Variants in PSG9 observed in about 807,000 individuals in gnomAD.
The protein encoded by PSG9 is pregnancy specific beta-1-glycoprotein 9, also known as pregnancy-specific beta-1-glycoprotein 9.
PSG9 carries 49 observed loss-of-function variants against 41.9 expected under a neutral mutation model. That is an observed-to-expected ratio of 1.17 (90% CI 0.93 to 1.48). The LOEUF (loss-of-function observed/expected upper bound fraction) is 1.48, where lower values mean the gene tolerates loss of function less well. Among genes scored for constraint, PSG9 ranks in the 40% most tolerant of loss-of-function variants. PSG9 has a pLI of 0.00. For missense variants in PSG9, 641 were observed against 520.3 expected (o/e 1.23, Z -2.26); for synonymous variants, 263 against 196.8 (o/e 1.34, Z -2.82).
Position 43,260,583 on chromosome 19 carries a change from G to C in PSG9, c.709+1277C>G, listed in dbSNP as rs1178600492. ...ATGCTGCACTCATATATTTTTTAAA[G>C]CTTTGGGATGTGAGAAAGGCTGATT... On this transcript the variant is annotated intron_variant, in intron 3 of 5. Transcript: ENST00000270077. 2 of 146,014 alleles carry C rather than the reference G, an allele frequency of 1.4e-5. 1 individual carries two copies. The highest frequency in any genetic ancestry group is 3.0e-5 in the Non-Finnish European group (2 of 67,340). 9.0% of individuals were successfully genotyped at this position (146,014 alleles called of 1,614,324 possible). A position where few individuals can be genotyped will look rare whatever the true frequency, so the allele number is the denominator to read the frequency against.
intron 2 of PSG9, among the ~76,000 whole-genome samples, chr19:43,266,975 G>C (rs1968999107): frequency 6.6e-6 from 1 of 152,128 alleles, no homozygotes; most frequent in Admixed American, 6.5e-5. Context: ...CTAATGCTTG[G>C]CACAGTGGAG....
At chr19:43,266,810 C>T (rs1968991431) in intron 2 of PSG9, among the ~76,000 whole-genome samples, 5 of 152,080 alleles carry the variant, frequency 3.3e-5, no homozygotes, top group Admixed American at 3.3e-4. Context: ...CCTCATGTGA[C>T]CCTGATCTCC....
intron 2 of PSG9, among the ~76,000 whole-genome samples, chr19:43,265,835 G>C (rs985605257): frequency 2.6e-5 from 4 of 152,094 alleles, no homozygotes. Context: ...AGCCATGGAT[G>C]GGAATACAGT....
At chr19:43,262,630 T>C (rs536861120) in intron 2 of PSG9, among the ~76,000 whole-genome samples, 8 of 152,254 alleles carry the variant, frequency 5.3e-5, no homozygotes, top group South Asian at 4.1e-4. Flanking sequence ...GAAAGCCTGG[T>C]CTGGGACTGG....
At chr19:43,265,780 C>A (rs1256000142) in intron 2 of PSG9, among the ~76,000 whole-genome samples, 1 of 152,048 alleles carries the variant, frequency 6.6e-6, no homozygotes, top group Non-Finnish European at 1.5e-5. Flanking sequence ...ACTGCCTATC[C>A]CTGTCCCATG....
chr19:43,256,207 C>T (rs1417516557), intron 5 of PSG9, among the ~76,000 whole-genome samples: 1 of 146,202 alleles, frequency 6.8e-6, no homozygotes, highest in Non-Finnish European at 1.5e-5. Flanking sequence ...AAAATTAACC[C>T]ACAATAGATC....
At chr19:43,266,470 G>C (rs1253369169) in intron 2 of PSG9, among the ~76,000 whole-genome samples, 1 of 152,042 alleles carries the variant, frequency 6.6e-6, no homozygotes. Flanking sequence ...GGTGTAGGGT[G>C]TGAGTGGGGA....
intron 5 of PSG9, among the ~76,000 whole-genome samples, chr19:43,255,129 GA>G (rs1423037799): frequency 7.2e-6 from 1 of 138,772 alleles, no homozygotes; most frequent in Non-Finnish European, 1.5e-5. Flanking sequence ...AAGAAAGAAA[GA>G]AAGAAAAATG....
chr19:43,257,510 T>C lies in PSG9; in HGVS notation c.1243+692A>G, dbSNP rs1968487452. The C allele has an allele frequency of 3.9e-5, 38 of 978,040 alleles. 7 individuals are homozygous for C. The South Asian group carries it at 1.0e-3, about 27-fold the overall frequency. 60.6% of individuals were successfully genotyped at this position (978,040 alleles called of 1,614,324 possible). A position where few individuals can be genotyped will look rare whatever the true frequency, so the allele number is the denominator to read the frequency against. On this transcript the variant is annotated intron_variant, in intron 5 of 5. Coordinates refer to ENST00000270077, the MANE Select transcript of PSG9 (RefSeq NM_002784.5). ...TGCTGTGCCCAAAGCCTCATACAGC[T>C]GGTGACTTCAGAGCCAGGACGCAGC...
intron 1 of PSG9, 135 bp from the exon 2 acceptor site, chr19:43,268,284 A>C: frequency 7.5e-7 from 1 of 1,336,062 alleles, no homozygotes; most frequent in Non-Finnish European, 1.0e-6. Flanking sequence ...AAACAAACAC[A>C]CACAAAAAAC....
At chr19:43,254,932 TA>T (rs74977109) in intron 5 of PSG9, among the ~76,000 whole-genome samples, 51,470 of 140,270 alleles carry the variant, frequency 0.37, 12,772 homozygotes, top group East Asian at 0.88. Context: ...TACAAAAAAA[TA>T]AAAAAAAATT....
intron 1 of PSG9, among the ~76,000 whole-genome samples, chr19:43,269,116 C>T (rs1211490131): frequency 2.0e-5 from 3 of 151,958 alleles, no homozygotes; most frequent in Non-Finnish European, 2.9e-5. Flanking sequence ...ATGATTCTCC[C>T]ACCTCAGCCT....
At chr19:43,268,689 C>G (rs796215333) in intron 1 of PSG9, among the ~76,000 whole-genome samples, 2 of 152,178 alleles carry the variant, frequency 1.3e-5, no homozygotes, top group African/African-American at 2.4e-5. Flanking sequence ...CTGGGACAGG[C>G]TGCAGACTCC....
chr19:43,262,282 G>C, intron 2 of PSG9, 144 bp from the exon 3 acceptor site: 1 of 1,459,300 alleles, frequency 6.9e-7, no homozygotes, highest in Non-Finnish European at 9.2e-7. Flanking sequence ...TTACAAGACA[G>C]ATGCATGGCA....
Position 43,267,843 on chromosome 19 carries a change from A to C in PSG9, c.371T>G (p.Ile124Ser). Residue 124 changes from isoleucine to serine, a missense_variant, in exon 2 of 6, where the codon ATC becomes AGC. Physicochemically the swap from Ile to Ser is moderately radical, Grantham distance 142 (BLOSUM62 -2). Transcript: ENST00000270077. Reference sequence around the variant, plus strand: ...TCTAGTCTCATCACCTCGCTTTATGATGTGTAAGGTGTAGGTTCCTGCATC... The same window carrying C: ...TCTAGTCTCATCACCTCGCTTTATGCTGTGTAAGGTGTAGGTTCCTGCATC... ...RKDAGTYTLH[I>S]IKRGDETREE... is the part of the protein sequence containing the mutation. 6.2e-7 allele frequency: 1 copy of C among 1,613,590 alleles called. No individual in the cohort carries two copies. Among genetic ancestry groups the C allele is most frequent in the East Asian group, 2.2e-5 (1 of 44,862 alleles).
rs774392637 is a variant in PSG9 at position 43,258,826 on chromosome 19, C to T, written c.988+31G>A. On this transcript the variant is annotated intron_variant, in intron 4 of 5. Coordinates refer to ENST00000270077, the MANE Select transcript of PSG9 (RefSeq NM_002784.5). ...TGGTCGTTTGGACTTAAGCTGGTGT[C>T]CTGGCCCACAGAGGAACAAAAGATA... 7.6e-6 allele frequency: 12 copies of T among 1,582,368 alleles called. 1 individual carries two copies. Among genetic ancestry groups the T allele is most frequent in the Non-Finnish European group, 1.0e-5 (12 of 1,170,194 alleles).
At chr19:43,269,347 C>T (rs1252478495) in intron 1 of PSG9, 21 bp downstream of exon 1, 1 of 1,613,336 alleles carries the variant, frequency 6.2e-7, no homozygotes, top group Non-Finnish European at 8.5e-7. Flanking sequence ...CCTGTCCTCT[C>T]CCAGGAAGTT....
At chr19:43,267,749 C>A (rs780020760) in intron 2 of PSG9, 35 bp downstream of exon 2, 1 of 1,612,206 alleles carries the variant, frequency 6.2e-7, no homozygotes, top group South Asian at 1.1e-5. Flanking sequence ...TGACCCCTTC[C>A]CCCCAACACC....
At chr19:43,254,459 A>C (rs1044669238) in intron 5 of PSG9, among the ~76,000 whole-genome samples, 1 of 146,416 alleles carries the variant, frequency 6.8e-6, no homozygotes, top group Non-Finnish European at 1.5e-5. Flanking sequence ...CTCTCATTGC[A>C]ATTTTCAGGT....
Sources: allele counts gnomAD v4.1 joint callset (sites outside exome capture counted in the v4.1 genomes callset), GRCh38; gene constraint gnomAD v4.1.1; transcripts MANE v1.5; gene names NCBI Gene and HGNC (gene_info 2026-07-23, HGNC 2026-07-21).